The following MKLN1 variants were observed in gnomAD, a reference collection of about 807,000 sequenced individuals.
The protein encoded by MKLN1 is muskelin.
MKLN1 carries 18 observed loss-of-function variants against 99.0 expected under a neutral mutation model. The ratio of observed to expected loss-of-function variants is 0.18; its 90% CI spans 0.13 to 0.27. The LOEUF is 0.27. Ranked by LOEUF, MKLN1 falls within the 10% of genes least tolerant of loss-of-function variation. The pLI, the probability that MKLN1 is intolerant of heterozygous loss-of-function variation, is 1.00. For missense variants in MKLN1, 621 were observed against 875.9 expected (o/e 0.71, Z 3.67); for synonymous variants, 288 against 293.2 (o/e 0.98, Z 0.18).
At chr7:131,384,207 G>A (rs1342821504) in intron 2 of MKLN1, among the ~76,000 whole-genome samples, 1 of 146,346 alleles carries the variant, frequency 6.8e-6, no homozygotes, top group African/African-American at 2.5e-5. Context: ...GTAGTAGATT[G>A]AATGGTCCCT....
At chr7:131,341,806 A>T (rs562215725) in intron 1 of MKLN1, among the ~76,000 whole-genome samples, 1 of 152,358 alleles carries the variant, frequency 6.6e-6, no homozygotes, top group South Asian at 2.1e-4. Context: ...AGTTCATAGT[A>T]GGTTGGTGCT....
intron 3 of MKLN1, among the ~76,000 whole-genome samples, chr7:131,261,372 T>C (rs188079596): frequency 1.3e-5 from 2 of 152,298 alleles, no homozygotes; most frequent in African/African-American, 2.4e-5. Context: ...GACACACATG[T>C]AGCCAATAAG....
intron 2 of MKLN1, among the ~76,000 whole-genome samples, chr7:131,384,032 G>T (rs1047887218): frequency 1.3e-5 from 2 of 152,150 alleles, no homozygotes; most frequent in Non-Finnish European, 2.9e-5. Context: ...TCATGTAATT[G>T]CACAAACTGC....
At chr7:131,372,640 T>A (rs1201027579) in intron 1 of MKLN1, among the ~76,000 whole-genome samples, 4 of 151,982 alleles carry the variant, frequency 2.6e-5, no homozygotes, top group Non-Finnish European at 4.4e-5. Context: ...ATGTTATAAT[T>A]TAATCCTCCA....
intron 2 of MKLN1, among the ~76,000 whole-genome samples, chr7:131,201,677 TA>T (rs2116409228): frequency 6.6e-6 from 1 of 152,328 alleles, no homozygotes; most frequent in Non-Finnish European, 1.5e-5. Context: ...AAATTTCACA[TA>T]ATGCTATTTG....
At chr7:131,212,239 C>T (rs1362438535) in intron 3 of MKLN1, among the ~76,000 whole-genome samples, 1 of 152,208 alleles carries the variant, frequency 6.6e-6, no homozygotes, top group Non-Finnish European at 1.5e-5. Flanking sequence ...TGCTTTCCTC[C>T]AAGGCAAACT....
chr7:131,355,962 T>C (rs1255891954), intron 1 of MKLN1, among the ~76,000 whole-genome samples: 1 of 152,028 alleles, frequency 6.6e-6, no homozygotes, highest in Non-Finnish European at 1.5e-5. Flanking sequence ...TTTTTCTATC[T>C]CTTAAATTTT....
chr7:131,310,401 T>G (rs1798544292), intron 3 of MKLN1: 2 of 152,204 alleles, frequency 1.3e-5, no homozygotes, highest in African/African-American at 4.8e-5. Flanking sequence ...TGTCAAGGTA[T>G]CCCTCATTGC....
At chr7:131,154,023 A>T (rs1414189995) in intron 2 of MKLN1, among the ~76,000 whole-genome samples, 1 of 152,134 alleles carries the variant, frequency 6.6e-6, no homozygotes, top group Non-Finnish European at 1.5e-5. Flanking sequence ...TTACAAAAAA[A>T]TGGGGGGAGG....
At chr7:131,284,822 T>G (rs1156511238) in intron 3 of MKLN1, among the ~76,000 whole-genome samples, 1 of 152,176 alleles carries the variant, frequency 6.6e-6, no homozygotes, top group Admixed American at 6.5e-5. Context: ...TTCAAAGCCC[T>G]GAGGAATCTG....
Position 131,407,372 on chromosome 7 carries a change from A to G in MKLN1, c.704-3934A>G, listed in dbSNP as rs565059469. Among the ~76,000 whole-genome samples the G allele has an allele frequency of 2.6e-5, 4 of 152,064 alleles. No individual in the cohort carries two copies. In the East Asian group the frequency reaches 5.8e-4, roughly 22 times the overall value. The stretch of plus-strand genomic sequence containing the variant: ...GAAAGGTATTTGGCTACTTTCATCT[A>G]TTGCAGGCTACATTTTTCTGTTGAA... On this transcript the variant is annotated intron_variant, in intron 6 of 17. Transcript: ENST00000352689.
At chr7:131,205,753 G>A (rs1168261856) in intron 3 of MKLN1, among the ~76,000 whole-genome samples, 1 of 152,082 alleles carries the variant, frequency 6.6e-6, no homozygotes, top group Non-Finnish European at 1.5e-5. Context: ...GGAGCCACTG[G>A]CTGCTCCTAG....
Position 131,213,231 on chromosome 7 carries a change from G to C in MKLN1, c.-179+10257G>C, listed in dbSNP as rs546475429. Among the ~76,000 whole-genome samples, 118 of 152,104 alleles carry C rather than the reference G, an allele frequency of 7.8e-4. 1 individual carries two copies. The highest frequency in any genetic ancestry group is 2.7e-3 in the African/African-American group (114 of 41,494). On this transcript the variant is annotated intron_variant, in intron 3 of 7. Transcript: ENST00000416992. ...TATATTATGCTGTATATAATATTCTGCCGTGTATTTTATTCATTATTATTT... is the reference window on the plus strand; with the variant it reads ...TATATTATGCTGTATATAATATTCTCCCGTGTATTTTATTCATTATTATTT...
rs1797568974 is a variant in MKLN1 at position 131,496,600 on chromosome 7, A to G, written c.*8872A>G. 1 of 151,502 alleles carries G rather than the reference A, an allele frequency of 6.6e-6. No homozygotes were observed. Among genetic ancestry groups the G allele is most frequent in the East Asian group, 1.9e-4 (1 of 5,196 alleles). 9.4% of individuals were successfully genotyped at this position (151,502 alleles called of 1,614,324 possible). On this transcript the variant is annotated 3_prime_UTR_variant, in exon 18 of 18. Transcript: ENST00000352689. The stretch of plus-strand genomic sequence containing the variant: ...TATGGAGAAAGAATGTATTTTGTTC[A>G]TTTTCTTAATAAAATGTTATATATG...
intron 1 of MKLN1, among the ~76,000 whole-genome samples, chr7:131,364,765 T>C (rs1047081844): frequency 2.0e-5 from 3 of 152,166 alleles, no homozygotes; most frequent in Non-Finnish European, 4.4e-5. Flanking sequence ...GATGCATCCA[T>C]GTTCCCACAA....
At chr7:131,270,844 G>T (rs1797873525) in intron 3 of MKLN1, among the ~76,000 whole-genome samples, 1 of 150,900 alleles carries the variant, frequency 6.6e-6, no homozygotes, top group Non-Finnish European at 1.5e-5. Flanking sequence ...TTTAAAAAAT[G>T]GATAACCTTG....
At chr7:131,149,541 A>G (rs1008634228) in intron 2 of MKLN1, among the ~76,000 whole-genome samples, 5 of 152,258 alleles carry the variant, frequency 3.3e-5, no homozygotes, top group African/African-American at 1.2e-4. Context: ...TCATATAAAC[A>G]TATTTTCCTT....
At chr7:131,326,918 C>T (rs1348812961), upstream of MKLN1, 1 of 152,218 alleles carries the variant, frequency 6.6e-6, no homozygotes, top group Non-Finnish European at 1.5e-5. Context: ...GCGACATACT[C>T]TTTGGTAACT....
At position 131,186,269 on chromosome 7, in the gene MKLN1, C is replaced by T. The variant is rs377716642; in HGVS notation, c.-296-16588C>T. Among the ~76,000 whole-genome samples, 13 of 152,174 alleles carry T rather than the reference C, an allele frequency of 8.5e-5. 1 individual carries two copies. Among genetic ancestry groups the T allele is most frequent in the African/African-American group, 2.9e-4 (12 of 41,520 alleles). ...CAGTAATCCCAGCACTTTGGGAGGC[C>T]GAAGTGGGAAGATTGCTTGAGGCCA... On this transcript the variant is annotated intron_variant, in intron 2 of 7. Coordinates refer to the MKLN1 transcript ENST00000416992.
Sources: gnomAD v4.1 joint callset for allele counts (sites outside exome capture counted in the v4.1 genomes callset) on GRCh38, gnomAD v4.1.1 for gene constraint, MANE v1.5 for transcripts, NCBI Gene and HGNC (gene_info 2026-07-23, HGNC 2026-07-21) for gene names.